The following UBE2E2 variants were observed in gnomAD, a reference collection of about 807,000 sequenced individuals.
UBE2E2 encodes ubiquitin-conjugating enzyme E2 E2.
Under a neutral mutation model 24.7 loss-of-function variants are expected in UBE2E2, and 6 were observed. The ratio of observed to expected loss-of-function variants is 0.24; its 90% CI spans 0.13 to 0.48. The LOEUF (loss-of-function observed/expected upper bound fraction) is 0.48, where lower values mean the gene tolerates loss of function less well. Among genes scored for constraint, UBE2E2 ranks in the 20% least tolerant of loss-of-function variants. The probability of loss-of-function intolerance (pLI) is 0.99; values close to 1 mark genes in which losing one functional copy is unlikely to be tolerated. For synonymous variants in UBE2E2, 104 were observed against 83.6 expected (o/e 1.24, Z -1.33); for missense variants, 169 against 245.0 (o/e 0.69, Z 2.07).
intron 3 of UBE2E2, among the ~76,000 whole-genome samples, chr3:23,218,340 A>T (rs1384521277): frequency 1.3e-5 from 2 of 152,148 alleles, no homozygotes; most frequent in African/African-American, 4.8e-5. Flanking sequence ...CTCAAATAGA[A>T]CAAATATTTC....
At chr3:23,491,758 T>TA (rs1699501395) in intron 3 of UBE2E2, among the ~76,000 whole-genome samples, 1 of 152,104 alleles carries the variant, frequency 6.6e-6, no homozygotes, top group African/African-American at 2.4e-5. Flanking sequence ...AGATCCTACT[T>TA]AAAGGAGTTT....
At chr3:23,449,238 A>G (rs998592974) in intron 3 of UBE2E2, among the ~76,000 whole-genome samples, 6 of 152,196 alleles carry the variant, frequency 3.9e-5, no homozygotes, top group African/African-American at 1.2e-4. Context: ...GGTAAGTGTA[A>G]GGGGGATTTT....
chr3:23,560,682 A>G (rs1416735991), intron 5 of UBE2E2, among the ~76,000 whole-genome samples: 1 of 152,084 alleles, frequency 6.6e-6, no homozygotes. Context: ...CAGTCCCACC[A>G]ACAGTGTAAA....
In UBE2E2 at chr3:23,532,616, C is replaced by T. The variant is rs1695151118; in HGVS notation, c.423C>T (p.Asp141=). Residue 141 remains aspartate (D), a synonymous_variant, in exon 5 of 6, where the codon GAC becomes GAT. Transcript: ENST00000396703. ...NINSQGVICL[D]ILKDNWSPAL... Reference sequence around the variant, plus strand: ...ACAGCCAAGGTGTGATCTGTCTGGACATCTTAAAGGACAACTGGAGTCCGG... The same window carrying T: ...ACAGCCAAGGTGTGATCTGTCTGGATATCTTAAAGGACAACTGGAGTCCGG... 1.3e-6 allele frequency: 2 copies of T among 1,577,690 alleles called. No homozygotes were observed. Among genetic ancestry groups the T allele is most frequent in the South Asian group, 1.2e-5 (1 of 85,352 alleles).
rs967556930 is a variant in UBE2E2 at position 23,590,460 on chromosome 3, A to G, written c.*629A>G. On this transcript the variant is annotated 3_prime_UTR_variant, in exon 6 of 6. Transcript: ENST00000396703. ...TGTTGGATTGAACAAAATAATATGT[A>G]TTTTGATTTACTTAAAGTGCTTGTA... The G allele has an allele frequency of 1.3e-5, 2 of 152,564 alleles. No homozygotes were observed. Among genetic ancestry groups the G allele is most frequent in the African/African-American group, 2.4e-5 (1 of 41,414 alleles). The allele number at this position is 152,564 out of a possible 1,614,324, so 9.5% of individuals were successfully genotyped here.
chr3:23,299,860 A>T (rs1161193546), intron 3 of UBE2E2, among the ~76,000 whole-genome samples: 2 of 152,052 alleles, frequency 1.3e-5, no homozygotes, highest in Admixed American at 1.3e-4. Context: ...TGTCTCGTTG[A>T]TCTGTCTAAT....
chr3:23,284,445 G>T (rs1027458353), intron 3 of UBE2E2, among the ~76,000 whole-genome samples: 1 of 152,050 alleles, frequency 6.6e-6, no homozygotes, highest in Non-Finnish European at 1.5e-5. Context: ...TGTTGGTAAA[G>T]AATCTTTCTT....
At chr3:23,309,296 A>G (rs977323849) in intron 3 of UBE2E2, among the ~76,000 whole-genome samples, 5 of 152,102 alleles carry the variant, frequency 3.3e-5, no homozygotes, top group Admixed American at 2.0e-4. Context: ...ACATCCCTCA[A>G]TCCAGTCAAG....
intron 4 of UBE2E2, among the ~76,000 whole-genome samples, chr3:23,510,210 G>T (rs1361266839): frequency 6.6e-6 from 1 of 152,198 alleles, no homozygotes; most frequent in African/African-American, 2.4e-5. Context: ...TGATGAATTA[G>T]AGAAGATAGG....
intron 3 of UBE2E2, among the ~76,000 whole-genome samples, chr3:23,301,275 C>T (rs1699079712): frequency 6.6e-6 from 1 of 152,206 alleles, no homozygotes; most frequent in Non-Finnish European, 1.5e-5. Context: ...AAGCCTTCTT[C>T]TCTCAACTAA....
chr3:23,515,216 C>G (rs1244866602), intron 4 of UBE2E2, among the ~76,000 whole-genome samples: 2 of 151,634 alleles, frequency 1.3e-5, no homozygotes, highest in African/African-American at 4.9e-5. Context: ...GCAGATTTAG[C>G]AAGCTGTTAA....
chr3:23,453,669 A>G (rs1698615067), intron 3 of UBE2E2, among the ~76,000 whole-genome samples: 2 of 152,328 alleles, frequency 1.3e-5, no homozygotes, highest in South Asian at 2.1e-4. Context: ...ATAAATCAAG[A>G]TATTGCATAT....
intron 3 of UBE2E2, among the ~76,000 whole-genome samples, chr3:23,267,668 C>G (rs1239449432): frequency 2.0e-5 from 3 of 151,762 alleles, no homozygotes; most frequent in Non-Finnish European, 4.4e-5. Context: ...CTATTCCAAT[C>G]AATAGAAAAA....
chr3:23,509,066 A>G (rs946493880), intron 4 of UBE2E2, among the ~76,000 whole-genome samples: 1 of 152,204 alleles, frequency 6.6e-6, no homozygotes, highest in African/African-American at 2.4e-5. Context: ...CCAAACATCA[A>G]AGGGTATTGA....
At chr3:23,487,145 G>T (rs564163080) in intron 3 of UBE2E2, among the ~76,000 whole-genome samples, 1 of 152,346 alleles carries the variant, frequency 6.6e-6, no homozygotes. Flanking sequence ...GGGGCAGGGG[G>T]CTGGCATGAC....
chr3:23,444,118 T>A lies in UBE2E2; in HGVS notation c.228-55490T>A, dbSNP rs540560643. On this transcript the variant is annotated intron_variant, in intron 3 of 5. Transcript: ENST00000396703. Reference sequence around the variant, plus strand: ...GTTGCTTGCCTGCTGAAATAAAATATGACTTATGTCCCTCAAATGTCTGAG... The same window carrying A: ...GTTGCTTGCCTGCTGAAATAAAATAAGACTTATGTCCCTCAAATGTCTGAG... 3.4e-5 allele frequency among the ~76,000 whole-genome samples: 5 copies of A among 147,800 alleles called. No individual in the cohort carries two copies. In the South Asian group the frequency reaches 1.1e-3, roughly 32 times the overall value.
At chr3:23,386,362 C>T (rs1696804218) in intron 3 of UBE2E2, among the ~76,000 whole-genome samples, 1 of 152,114 alleles carries the variant, frequency 6.6e-6, no homozygotes, top group Non-Finnish European at 1.5e-5. Flanking sequence ...ATCCTGACCT[C>T]ATTACCTCCC....
intron 3 of UBE2E2, among the ~76,000 whole-genome samples, chr3:23,440,483 C>G (rs1698281130): frequency 6.6e-6 from 1 of 152,174 alleles, no homozygotes; most frequent in South Asian, 2.1e-4. Flanking sequence ...AACATTTACA[C>G]TTCAAAATCT....
chr3:23,276,588 G>C (rs945705071), intron 3 of UBE2E2, among the ~76,000 whole-genome samples: 1 of 151,816 alleles, frequency 6.6e-6, no homozygotes, highest in Non-Finnish European at 1.5e-5. Flanking sequence ...ATGCAGACTT[G>C]TGTGTTCAAA....
Sources: gnomAD v4.1 joint callset for allele counts (sites outside exome capture counted in the v4.1 genomes callset) on GRCh38, gnomAD v4.1.1 for gene constraint, MANE v1.5 for transcripts, NCBI Gene and HGNC (gene_info 2026-07-23, HGNC 2026-07-21) for gene names.